NAALADL2: variants seen among roughly 807,000 people sequenced by gnomAD.
NAALADL2 encodes the protein N-acetylated alpha-linked acidic dipeptidase like 2.
A neutral mutation model predicts 87.2 loss-of-function variants in NAALADL2; 76 were observed. The observed-to-expected ratio is 0.87, with a 90% CI of 0.72 to 1.05. The LOEUF is 1.05. Among genes scored for constraint, NAALADL2 ranks in the 50% least tolerant of loss-of-function variants. The probability of loss-of-function intolerance (pLI) is 0.00; values close to 1 mark genes in which losing one functional copy is unlikely to be tolerated. For missense variants in NAALADL2, 1,089 were observed against 945.8 expected (o/e 1.15, Z -1.99); for synonymous variants, 354 against 331.0 (o/e 1.07, Z -0.75).
chr3:175,528,356 G>A lies in NAALADL2; in HGVS notation c.1654-47685G>A, dbSNP rs956248710. Among the ~76,000 whole-genome samples the A allele has an allele frequency of 4.6e-5, 7 of 152,014 alleles. No homozygotes were observed. The South Asian group carries it at 1.5e-3, about 32-fold the overall frequency. On this transcript the variant is annotated intron_variant, in intron 9 of 13. Transcript: ENST00000454872. ...CTGGGAAATAGATGTAGGCTGGGAG[G>A]CTAAGCCAGTCTAGAGTTTTCACAT...
chr3:175,714,238 A>G (rs1039965952), intron 11 of NAALADL2, among the ~76,000 whole-genome samples: 4 of 152,192 alleles, frequency 2.6e-5, no homozygotes, highest in African/African-American at 4.8e-5. Context: ...TCCTTTGGGT[A>G]TATACCCAGT....
intron 13 of NAALADL2, among the ~76,000 whole-genome samples, chr3:175,766,985 A>G (rs1209897365): frequency 6.6e-6 from 1 of 152,204 alleles, no homozygotes; most frequent in African/African-American, 2.4e-5. Context: ...AATAGGCACG[A>G]TTCTATAAAG....
intron 4 of NAALADL2, among the ~76,000 whole-genome samples, chr3:175,314,312 G>A (rs1324892252): frequency 6.6e-6 from 1 of 150,920 alleles, no homozygotes; most frequent in Non-Finnish European, 1.5e-5. Context: ...CCTTGCAGTT[G>A]GCCAAAAATA....
chr3:175,514,810 TA>T (rs1487640974), intron 9 of NAALADL2, among the ~76,000 whole-genome samples: 1 of 152,150 alleles, frequency 6.6e-6, no homozygotes, highest in Admixed American at 6.5e-5. Context: ...CTGAAAGGAA[TA>T]AAAAAAGTTT....
intron 3 of NAALADL2, among the ~76,000 whole-genome samples, chr3:174,826,253 A>G (rs1161768876): frequency 2.0e-5 from 3 of 152,210 alleles, no homozygotes; most frequent in Non-Finnish European, 2.9e-5. Context: ...AATGTAGACT[A>G]TGTATATTCA....
intron 2 of NAALADL2, among the ~76,000 whole-genome samples, chr3:174,735,862 C>T (rs1026133882): frequency 3.9e-5 from 6 of 152,212 alleles, no homozygotes; most frequent in African/African-American, 1.4e-4. Flanking sequence ...CTCGTTCTGC[C>T]CACTTGACCT....
chr3:174,743,112 A>G (rs895054212), intron 3 of NAALADL2, among the ~76,000 whole-genome samples: 2 of 151,790 alleles, frequency 1.3e-5, no homozygotes, highest in African/African-American at 4.8e-5. Context: ...TAAATATCCT[A>G]TCAACGAAAT....
chr3:175,249,891 G>C (rs567514966), intron 3 of NAALADL2, among the ~76,000 whole-genome samples: 1 of 152,046 alleles, frequency 6.6e-6, no homozygotes, highest in African/African-American at 2.4e-5. Flanking sequence ...TATTCTTGCC[G>C]GGTGCAGTGG....
At chr3:175,693,538 G>A (rs1383023746) in intron 11 of NAALADL2, among the ~76,000 whole-genome samples, 1 of 152,046 alleles carries the variant, frequency 6.6e-6, no homozygotes, top group African/African-American at 2.4e-5. Flanking sequence ...GCAGTGCTGT[G>A]GTTCTAGTTC....
intron 1 of NAALADL2, among the ~76,000 whole-genome samples, chr3:174,538,497 T>C (rs1721926964): frequency 2.0e-5 from 3 of 152,158 alleles, no homozygotes; most frequent in Admixed American, 6.5e-5. Context: ...CCAAAATAAA[T>C]TTACTTGACA....
At chr3:174,867,773 C>T (rs770905603) in intron 1 of NAALADL2, among the ~76,000 whole-genome samples, 1 of 151,968 alleles carries the variant, frequency 6.6e-6, no homozygotes, top group African/African-American at 2.4e-5. Flanking sequence ...TAAAAATTGT[C>T]TCAAATTGAA....
At chr3:174,658,850 T>G (rs1022699952) in intron 2 of NAALADL2, among the ~76,000 whole-genome samples, 1 of 152,180 alleles carries the variant, frequency 6.6e-6, no homozygotes, top group African/African-American at 2.4e-5. Flanking sequence ...TATCTTGAAG[T>G]TGATGAAATA....
intron 1 of NAALADL2, among the ~76,000 whole-genome samples, chr3:174,507,647 G>T (rs1719281209): frequency 1.6e-5 from 2 of 126,190 alleles, no homozygotes; most frequent in Non-Finnish European, 3.9e-5. Flanking sequence ...TTACATAAAA[G>T]ACTACAGCAG....
At chr3:175,433,332 TGAA>T (rs1326520612) in intron 5 of NAALADL2, among the ~76,000 whole-genome samples, 2 of 152,030 alleles carry the variant, frequency 1.3e-5, no homozygotes, top group African/African-American at 2.4e-5. Flanking sequence ...CATTGGGTTG[TGAA>T]GAAGATTAAA....
chr3:174,600,876 C>T (rs1718383408), intron 2 of NAALADL2, among the ~76,000 whole-genome samples: 1 of 152,130 alleles, frequency 6.6e-6, no homozygotes. Context: ...TCACCTCCCA[C>T]CAGGCCCCAT....
chr3:175,182,712 T>A (rs868352685), intron 2 of NAALADL2, among the ~76,000 whole-genome samples: 3 of 151,746 alleles, frequency 2.0e-5, no homozygotes, highest in African/African-American at 7.3e-5. Flanking sequence ...GTTTTTTGTG[T>A]TTGTTTTTTT....
At chr3:175,460,362 A>C (rs1722931426) in intron 6 of NAALADL2, among the ~76,000 whole-genome samples, 1 of 152,192 alleles carries the variant, frequency 6.6e-6, no homozygotes, top group Non-Finnish European at 1.5e-5. Flanking sequence ...GTAAATAAAG[A>C]GATGAAAAGT....
chr3:175,278,812 T>C (rs1349049734), intron 4 of NAALADL2, among the ~76,000 whole-genome samples: 1 of 152,176 alleles, frequency 6.6e-6, no homozygotes, highest in African/African-American at 2.4e-5. Flanking sequence ...CTTAGAGAGT[T>C]GGAATCCAGG....
rs76434783 is a variant in NAALADL2 at position 175,401,822 on chromosome 3, G to A, written c.1091-45407G>A. Among the ~76,000 whole-genome samples the A allele has an allele frequency of 9.2e-3, 1,402 of 152,090 alleles. 19 individuals are homozygous for A. The highest frequency in any genetic ancestry group is 0.032 in the African/African-American group (1,328 of 41,502). On this transcript the variant is annotated intron_variant, in intron 5 of 13. Coordinates refer to ENST00000454872, the MANE Select transcript of NAALADL2 (RefSeq NM_207015.3). ...GTCTGAGACACAACTGATTTTACCTGGAGTGAAATACATCGCTATTTTTCG... is the reference window on the plus strand; with the variant it reads ...GTCTGAGACACAACTGATTTTACCTAGAGTGAAATACATCGCTATTTTTCG...
Sources: allele counts gnomAD v4.1 joint callset (sites outside exome capture counted in the v4.1 genomes callset), GRCh38; gene constraint gnomAD v4.1.1; transcripts MANE v1.5; gene names NCBI Gene and HGNC (gene_info 2026-07-23, HGNC 2026-07-21).